CCDC187: variants seen among roughly 807,000 people sequenced by gnomAD.
CCDC187 encodes coiled-coil domain-containing protein 187.
A neutral mutation model predicts 38.0 loss-of-function variants in CCDC187; 32 were observed. The ratio of observed to expected loss-of-function variants is 0.84; its 90% CI spans 0.64 to 1.13. The LOEUF is 1.13. Ranked by LOEUF, CCDC187 falls within the 50% of genes most tolerant of loss-of-function variation. The probability of loss-of-function intolerance (pLI) is 0.00; values close to 1 mark genes in which losing one functional copy is unlikely to be tolerated. For synonymous variants in CCDC187, 333 were observed against 347.9 expected, an observed-to-expected ratio of 0.96 and a Z score of 0.48; for missense variants, 707 against 786.8, an observed-to-expected ratio of 0.90 and a Z score of 1.21.
Position 136,253,848 on chromosome 9 carries a change from A to T in CCDC187, c.5980T>A (p.Leu1994Met), listed in dbSNP as rs1234315786. 3 of 985,144 alleles carry T rather than the reference A, an allele frequency of 3.0e-6. No homozygotes were observed. The African/African-American group carries it at 5.2e-5, about 17-fold the overall frequency. The allele number at this position is 985,144 out of a possible 1,614,324, so 61.0% of individuals were successfully genotyped here. ...LTEILSPVDE[L>M]LSYGSADLPS... ...AGGTCGGCACTGCCGTAGGACAGCA[A>T]CTCGTCCACGGGAGACAGGATCTCA... The change falls in exon 26 of 26, where the codon TTG (leucine) becomes ATG (methionine). Residue 1994 changes from leucine (L) to methionine (M), a missense_variant. Coordinates refer to ENST00000638797, the MANE Select transcript of CCDC187 (RefSeq NM_001378188.1).
chr9:136,279,405 C>T (rs1286977668), intron 10 of CCDC187, among the ~76,000 whole-genome samples: 1 of 152,220 alleles, frequency 6.6e-6, no homozygotes, highest in Non-Finnish European at 1.5e-5. Flanking sequence ...ACTCCTGTTG[C>T]CTGTCCCCCT....
chr9:136,269,266 A>G (rs1342766470), intron 14 of CCDC187, among the ~76,000 whole-genome samples: 1 of 152,242 alleles, frequency 6.6e-6, no homozygotes, highest in Non-Finnish European at 1.5e-5. Context: ...CAGGCTGAGC[A>G]CTGATCCAGA....
chr9:136,259,876 T>C (rs1362793253), intron 20 of CCDC187, among the ~76,000 whole-genome samples: 5 of 152,072 alleles, frequency 3.3e-5, no homozygotes, highest in African/African-American at 1.2e-4. Flanking sequence ...CACCCCTCGA[T>C]CTGTATCTTG....
chr9:136,276,143 A>G (rs1194911253), intron 12 of CCDC187, 51 bp downstream of exon 12: 1 of 152,074 alleles, frequency 6.6e-6, no homozygotes, highest in Non-Finnish European at 1.5e-5. Context: ...TGACCTTCCC[A>G]CCCAACCTCC....
Position 136,256,329 on chromosome 9 carries a change from G to A in CCDC187, c.4504-6C>T. 1.0e-6 allele frequency: 1 copy of A among 984,528 alleles called. No individual in the cohort carries two copies. Among genetic ancestry groups the A allele is most frequent in the Non-Finnish European group, 1.2e-6 (1 of 829,092 alleles). The allele number at this position is 984,528 out of a possible 1,614,324, so 61.0% of individuals were successfully genotyped here. A position where few individuals can be genotyped will look rare whatever the true frequency, so the allele number is the denominator to read the frequency against. ...ATGCTGTCCTCAGCCACCTGCTGGA[G>A]AGACGTTGCAGAAATGACACTGTTG... On this transcript the variant is annotated splice_polypyrimidine_tract_variant and splice_region_variant and intron_variant, in intron 23 of 25. Transcript: ENST00000638797.
At chr9:136,282,343 C>T (rs1831065168) in intron 9 of CCDC187, among the ~76,000 whole-genome samples, 1 of 152,200 alleles carries the variant, frequency 6.6e-6, no homozygotes, top group African/African-American at 2.4e-5. Context: ...CCAGGTGTGG[C>T]CACTGACCTT....
rs1405031461 is a variant in CCDC187 at position 136,280,656 on chromosome 9, G to A, written c.3040+895C>T. On this transcript the variant is annotated intron_variant, in intron 10 of 25. Coordinates refer to ENST00000638797, the MANE Select transcript of CCDC187 (RefSeq NM_001378188.1). Reference sequence around the variant, plus strand: ...ATGAGCACTCCCAAGCCCCACAGCCGGGAAGCAGACTCCAGGAGGGCTCCA... The same window carrying A: ...ATGAGCACTCCCAAGCCCCACAGCCAGGAAGCAGACTCCAGGAGGGCTCCA... 6.6e-5 allele frequency among the ~76,000 whole-genome samples: 10 copies of A among 152,122 alleles called. No homozygotes were observed. In the South Asian group the frequency reaches 8.3e-4, roughly 13 times the overall value.
At chr9:136,287,391 G>C (rs1304338791) in intron 7 of CCDC187, among the ~76,000 whole-genome samples, 1 of 152,072 alleles carries the variant, frequency 6.6e-6, no homozygotes, top group African/African-American at 2.4e-5. Context: ...CTACCATCAG[G>C]CCTCCCACAT....
intron 17 of CCDC187, 153 bp from the exon 18 acceptor site, chr9:136,263,951 C>T (rs1369391675): frequency 9.4e-6 from 4 of 426,430 alleles, no homozygotes; most frequent in Admixed American, 6.4e-5. Context: ...CCCCTCCTGC[C>T]GGGCCTAGGA....
At position 136,259,398 on chromosome 9, in the gene CCDC187, G is replaced by A. The variant is rs1588650534; in HGVS notation, c.4261C>T (p.Pro1421Ser). The change falls in exon 21 of 26, where the codon CCC becomes TCC. Residue 1421 changes from proline (P) to serine (S), a missense_variant. Physicochemically the swap from Pro to Ser is moderately conservative, Grantham distance 74. Coordinates refer to ENST00000638797, the MANE Select transcript of CCDC187 (RefSeq NM_001378188.1). ...GGGCCCAGCCGCTGTCCGTCCGGGG[G>A]GCTCACGTGCTGCAGGCCCAGCAGA... ...APLLGLQHVS[P>S]PDGQRLGPAF... The A allele has an allele frequency of 3.0e-6, 3 of 985,404 alleles. No individual in the cohort carries two copies. The highest frequency in any genetic ancestry group is 3.6e-6 in the Non-Finnish European group (3 of 830,078). 61.0% of individuals were successfully genotyped at this position (985,404 alleles called of 1,614,324 possible). A position where few individuals can be genotyped will look rare whatever the true frequency, so the allele number is the denominator to read the frequency against.
chr9:136,272,009 A>G (rs1419944571), intron 14 of CCDC187, among the ~76,000 whole-genome samples: 2 of 152,222 alleles, frequency 1.3e-5, no homozygotes, highest in African/African-American at 4.8e-5. Context: ...AAGCAAGAAG[A>G]CAATGGAGCA....
At chr9:136,294,047 C>T (rs1399076555) in intron 4 of CCDC187, among the ~76,000 whole-genome samples, 6 of 151,188 alleles carry the variant, frequency 4.0e-5, no homozygotes, top group African/African-American at 9.7e-5. Flanking sequence ...CATATACACA[C>T]GCCCTCACAT....
intron 2 of CCDC187, among the ~76,000 whole-genome samples, chr9:136,300,743 G>A (rs935008068): frequency 9.2e-5 from 14 of 152,112 alleles, no homozygotes; most frequent in East Asian, 5.8e-4. Flanking sequence ...GATTACAGAC[G>A]CCTGCCACAA....
intron 23 of CCDC187, 76 bp from the exon 24 acceptor site, chr9:136,256,399 C>A (rs943206131): frequency 1.4e-6 from 1 of 722,834 alleles, no homozygotes; most frequent in Non-Finnish European, 1.7e-6. Context: ...CTGGATGGAG[C>A]CCCTGTGCTT....
chr9:136,259,980 G>T, intron 20 of CCDC187, 139 bp downstream of exon 20: 1 of 683,228 alleles, frequency 1.5e-6, no homozygotes, highest in Non-Finnish European at 1.8e-6. Context: ...GGAGGCCGGG[G>T]TGGCCCGGTC....
intron 9 of CCDC187, among the ~76,000 whole-genome samples, chr9:136,285,166 C>G (rs1354856457): frequency 1.3e-5 from 2 of 152,060 alleles, no homozygotes; most frequent in African/African-American, 4.8e-5. Flanking sequence ...TCGCCGGGCC[C>G]GGATGGCAAG....
chr9:136,301,411 C>T (rs892271020), intron 2 of CCDC187, among the ~76,000 whole-genome samples: 9 of 151,854 alleles, frequency 5.9e-5, no homozygotes, highest in African/African-American at 1.2e-4. Context: ...TGAAGGGTCC[C>T]GGGGCTGGGA....
intron 14 of CCDC187, among the ~76,000 whole-genome samples, chr9:136,273,880 C>T (rs149691427): frequency 1.1e-4 from 17 of 152,370 alleles, no homozygotes; most frequent in African/African-American, 3.4e-4. Context: ...GGGAAGTCAC[C>T]GCATCTGCCA....
chr9:136,294,374 C>G (rs1240941568), intron 4 of CCDC187, among the ~76,000 whole-genome samples: 1 of 152,226 alleles, frequency 6.6e-6, no homozygotes, highest in Non-Finnish European at 1.5e-5. Context: ...CCACCTGGCT[C>G]TGCAGGGCCA....
Sources: allele counts gnomAD v4.1 joint callset (sites outside exome capture counted in the v4.1 genomes callset), GRCh38; gene constraint gnomAD v4.1.1; transcripts MANE v1.5; gene names NCBI Gene and HGNC (gene_info 2026-07-23, HGNC 2026-07-21).